CACNA1C: variants seen among roughly 807,000 people sequenced by gnomAD.
CACNA1C encodes the protein calcium voltage-gated channel subunit alpha1 C.
CACNA1C carries 30 observed loss-of-function variants against 229.0 expected under a neutral mutation model. The observed-to-expected ratio is 0.13, with a 90% CI of 0.10 to 0.18. The LOEUF is 0.18. Ranked by LOEUF, CACNA1C falls within the 10% of genes least tolerant of loss-of-function variation. The pLI is 1.00. For missense variants in CACNA1C, 1,658 were observed against 2,845.0 expected (o/e 0.58, Z 9.49); for synonymous variants, 1,114 against 1,132.5 (o/e 0.98, Z 0.33).
In CACNA1C at chr12:2,633,742, C is replaced by A; in HGVS notation, c.3829-555C>A. The stretch of plus-strand genomic sequence containing the variant: ...GTATTACTCTGCCCTCCCCAGGAAA[C>A]CTCCTCATTCCTCCTCCTCTGCCTC... On this transcript the variant is annotated intron_variant, in intron 29 of 46. Transcript: ENST00000399655. This position sits in a 1 kb window ranked among gnomAD's most constrained non-coding sequence, Gnocchi z 5.8. The A allele has an allele frequency of 9.6e-7, 1 of 1,044,202 alleles. No individual in the cohort carries two copies. The highest frequency in any genetic ancestry group is 1.5e-6 in the Non-Finnish European group (1 of 661,370). 64.7% of individuals were successfully genotyped at this position (1,044,202 alleles called of 1,614,324 possible).
chr12:2,322,208 C>T (rs1046224059), intron 3 of CACNA1C, among the ~76,000 whole-genome samples: 3 of 152,144 alleles, frequency 2.0e-5, no homozygotes, highest in Non-Finnish European at 2.9e-5. Flanking sequence ...CTTGAGAGCC[C>T]GGGAAAGGCA....
At chr12:2,081,928 G>A (rs917752922) in intron 1 of CACNA1C, among the ~76,000 whole-genome samples, 1 of 152,058 alleles carries the variant, frequency 6.6e-6, no homozygotes, top group African/African-American at 2.4e-5. Flanking sequence ...TAATATATGC[G>A]GAGTTCTTAC....
chr12:2,011,833 G>T (rs2044497350), intron 1 of CACNA1C, among the ~76,000 whole-genome samples: 1 of 152,166 alleles, frequency 6.6e-6, no homozygotes, highest in Non-Finnish European at 1.5e-5. Flanking sequence ...GTTTCCCCTT[G>T]CCATCCTGTA....
At chr12:2,103,923 T>C (rs2077292551) in intron 1 of CACNA1C, among the ~76,000 whole-genome samples, 1 of 152,214 alleles carries the variant, frequency 6.6e-6, no homozygotes, top group Non-Finnish European at 1.5e-5. Context: ...CTCTGTTCTG[T>C]TCCATTGGTC....
chr12:2,494,834 C>G (rs900123528), intron 7 of CACNA1C, among the ~76,000 whole-genome samples: 1 of 152,244 alleles, frequency 6.6e-6, no homozygotes, highest in Non-Finnish European at 1.5e-5. Context: ...GTGTCCCTCC[C>G]TCTGTAAGTG....
intron 3 of CACNA1C, among the ~76,000 whole-genome samples, chr12:2,234,785 T>C (rs1275365060): frequency 6.6e-6 from 1 of 152,150 alleles, no homozygotes; most frequent in Admixed American, 6.5e-5. Context: ...ATAGCTTAAC[T>C]ATTTCAATTA....
At chr12:2,536,932 G>A (rs934480951) in intron 9 of CACNA1C, among the ~76,000 whole-genome samples, 1 of 152,182 alleles carries the variant, frequency 6.6e-6, no homozygotes, top group African/African-American at 2.4e-5. Context: ...TTCACACTGG[G>A]GAAACCGAGC....
intron 3 of CACNA1C, among the ~76,000 whole-genome samples, chr12:2,191,914 TCA>T (rs974176408): frequency 3.1e-5 from 4 of 129,128 alleles, no homozygotes; most frequent in Non-Finnish European, 5.3e-5. Context: ...ACACATGGTC[TCA>T]CACAGGCACA....
At position 2,597,572 on chromosome 12, in the gene CACNA1C, T is replaced by C. The variant is rs2068993315; in HGVS notation, c.2853+283T>C. On this transcript the variant is annotated intron_variant, in intron 21 of 46. Coordinates refer to ENST00000399655, the MANE Select transcript of CACNA1C (RefSeq NM_000719.7). The surrounding 1 kb of genome is among the most constrained non-coding windows in gnomAD (Gnocchi z 4.3). ...GCTCTGTGTGGCTGGATCTTTTGTCTTTTCTGTTTCTTTCACTCTCTCTTT... is the reference window on the plus strand; with the variant it reads ...GCTCTGTGTGGCTGGATCTTTTGTCCTTTCTGTTTCTTTCACTCTCTCTTT... 6 of 1,000,926 alleles carry C rather than the reference T, an allele frequency of 6.0e-6. No individual in the cohort carries two copies. The highest frequency in any genetic ancestry group is 1.6e-5 in the African/African-American group (1 of 63,214). The allele number at this position is 1,000,926 out of a possible 1,614,324, so 62.0% of individuals were successfully genotyped here.
chr12:2,004,408 G>T, intron 1 of CACNA1C: 1 of 1,610,828 alleles, frequency 6.2e-7, no homozygotes, highest in Non-Finnish European at 8.5e-7. Flanking sequence ...TTCCCACCAG[G>T]CCGCCTGCCG....
In CACNA1C at chr12:2,625,093, C is replaced by T. The variant is rs571074886; in HGVS notation, c.3829-9204C>T. ...GCTTTGCCAGGAGGACCTTCCCCCGCTCCCCCCGCCCCCCATGGCTCTGCA... is the reference window on the plus strand; with the variant it reads ...GCTTTGCCAGGAGGACCTTCCCCCGTTCCCCCCGCCCCCCATGGCTCTGCA... On this transcript the variant is annotated intron_variant, in intron 29 of 46. Coordinates refer to ENST00000399655, the MANE Select transcript of CACNA1C (RefSeq NM_000719.7). 5.9e-5 allele frequency among the ~76,000 whole-genome samples: 9 copies of T among 152,234 alleles called. No individual in the cohort carries two copies. In the East Asian group the frequency reaches 1.4e-3, roughly 23 times the overall value.
In CACNA1C at chr12:2,275,767, A is replaced by G. The variant is rs1265413713; in HGVS notation, c.477+155337A>G. On this transcript the variant is annotated intron_variant, in intron 3 of 46. Transcript: ENST00000399655. This position sits in a 1 kb window ranked among gnomAD's most constrained non-coding sequence, Gnocchi z 4.1. Reference sequence around the variant, plus strand: ...GCATAGGTGGGAGAAGACAGCCAGCACTGTAGAGTGGGGAGGGCTCAGTGC... The same window carrying G: ...GCATAGGTGGGAGAAGACAGCCAGCGCTGTAGAGTGGGGAGGGCTCAGTGC... Among the ~76,000 whole-genome samples the G allele has an allele frequency of 1.3e-5, 2 of 152,122 alleles. No homozygotes were observed. Among genetic ancestry groups the G allele is most frequent in the Non-Finnish European group, 2.9e-5 (2 of 68,014 alleles).
At chr12:2,046,957 C>G (rs1013073406) in intron 1 of CACNA1C, among the ~76,000 whole-genome samples, 1 of 152,120 alleles carries the variant, frequency 6.6e-6, no homozygotes, top group Non-Finnish European at 1.5e-5. Context: ...TATGGGTCTT[C>G]CAAAAGAAGG....
intron 5 of CACNA1C, among the ~76,000 whole-genome samples, chr12:2,472,599 T>G (rs1324698084): frequency 6.6e-6 from 1 of 150,556 alleles, no homozygotes; most frequent in Non-Finnish European, 1.5e-5. Flanking sequence ...TAGCACTCTC[T>G]CTATATATAT....
At chr12:2,542,016 G>T (rs544096424) in intron 9 of CACNA1C, among the ~76,000 whole-genome samples, 8 of 152,312 alleles carry the variant, frequency 5.3e-5, no homozygotes, top group Admixed American at 3.3e-4. Context: ...CCAGTCTCAG[G>T]ATGGGAAGGA....
intron 1 of CACNA1C, among the ~76,000 whole-genome samples, chr12:1,972,156 G>A (rs553336587): frequency 6.6e-6 from 1 of 152,356 alleles, no homozygotes; most frequent in South Asian, 2.1e-4. Flanking sequence ...CCACGGAAAC[G>A]TGGTAGTGTG....
In CACNA1C at chr12:2,651,490, G is replaced by A. The variant is rs2094964650; in HGVS notation, c.3946-150G>A. On this transcript the variant is annotated intron_variant, in intron 31 of 46. Coordinates refer to ENST00000399655, the MANE Select transcript of CACNA1C (RefSeq NM_000719.7). This position sits in a 1 kb window ranked among gnomAD's most constrained non-coding sequence, Gnocchi z 5.4. ...TGTCCACTCATTAAAGTGGGCGGCC[G>A]CCCTCCCATCGGAGGGGGAAGTCTA... is the stretch of plus-strand genomic sequence containing the variant. 7.9e-6 allele frequency: 9 copies of A among 1,146,326 alleles called. No individual in the cohort carries two copies. Among genetic ancestry groups the A allele is most frequent in the East Asian group, 4.7e-5 (2 of 42,314 alleles). 71.0% of individuals were successfully genotyped at this position (1,146,326 alleles called of 1,614,324 possible). A position where few individuals can be genotyped will look rare whatever the true frequency, so the allele number is the denominator to read the frequency against.
In CACNA1C at chr12:2,601,521, C is replaced by T. The variant is rs114405967; in HGVS notation, c.2854-333C>T. ...AGGAAAGGACCCTGCAGGCCCAAAGCCATGGACTTGGGATGTGGAACAGTG... is the reference window on the plus strand; with the variant it reads ...AGGAAAGGACCCTGCAGGCCCAAAGTCATGGACTTGGGATGTGGAACAGTG... On this transcript the variant is annotated intron_variant, in intron 21 of 46. Transcript: ENST00000399655. The surrounding 1 kb of genome is among the most constrained non-coding windows in gnomAD (Gnocchi z 5.9). 7.2e-3 allele frequency among the ~76,000 whole-genome samples: 1,089 copies of T among 152,230 alleles called. 22 individuals are homozygous for T. The highest frequency in any genetic ancestry group is 0.024 in the African/African-American group (1,015 of 41,538).
At chr12:2,417,277 G>A (rs1595729064) in intron 3 of CACNA1C, among the ~76,000 whole-genome samples, 1 of 152,318 alleles carries the variant, frequency 6.6e-6, no homozygotes, top group Admixed American at 6.5e-5. Flanking sequence ...GTGATGTCCT[G>A]TCATGATCAG....
Sources: gnomAD v4.1 joint callset for allele counts (sites outside exome capture counted in the v4.1 genomes callset) on GRCh38, gnomAD v4.1.1 for gene constraint, Gnocchi (gnomAD v3.1) non-coding constraint, MANE v1.5 for transcripts, NCBI Gene and HGNC (gene_info 2026-07-23, HGNC 2026-07-21) for gene names.